Variants in SHOX observed in about 807,000 individuals in gnomAD.
SHOX encodes the protein short stature homeobox protein.
A neutral mutation model predicts 29.6 loss-of-function variants in SHOX; 12 were observed. The observed-to-expected ratio is 0.41, with a 90% CI of 0.26 to 0.66. The LOEUF (loss-of-function observed/expected upper bound fraction) is 0.66. SHOX is among the 30% of genes least tolerant of loss of function. SHOX has a pLI of 0.35. For missense variants in SHOX, 499 were observed against 437.7 expected, an observed-to-expected ratio of 1.14 and a Z score of -1.25; for synonymous variants, 214 against 200.6, an observed-to-expected ratio of 1.07 and a Z score of -0.57.
chrX:653,189 C>T (rs186512041), downstream of SHOX, among the ~76,000 whole-genome samples: 507 of 152,172 alleles, frequency 3.3e-3, 1 homozygote, highest in African/African-American at 0.011. Context: ...TGCACTGAGC[C>T]GAGATCGCGC....
chrX:651,138 A>G lies in SHOX; in HGVS notation c.*6502A>G, dbSNP rs192263199. The G allele has an allele frequency of 7.4e-5, 27 of 363,482 alleles. No individual in the cohort carries two copies. In the Middle Eastern group the frequency reaches 3.2e-3, roughly 43 times the overall value. The allele number at this position is 363,482 out of a possible 1,614,324, so 22.5% of individuals were successfully genotyped here. ...TTTCCTTGGTCGGACGTTCATAAAT[A>G]TGTACTATTTTAATTATGTCGAGTG... On this transcript the variant is annotated 3_prime_UTR_variant, in exon 5 of 5. Coordinates refer to ENST00000686671, the MANE Select transcript of SHOX (RefSeq NM_000451.4).
intron 4 of SHOX, among the ~76,000 whole-genome samples, chrX:643,944 TGGAGAGGCTTGGGGACCTGGTGTCTCG>T (rs1207978188): frequency 1.2e-5 from 1 of 86,408 alleles, no homozygotes. Context: ...CTGGTGATCT[TGGAGAGGCTTGGGGACCTGGTGTCTCG>T]GGAGAGCCTT....
rs771713093 is a variant in SHOX, at chrX:649,342, C to T, written c.*4706C>T. ...GGTGAGGCACCGCGCCCGGCCTCCTCTCTCTTTTTCTGAGATGTTTAGGAA... is the reference window on the plus strand; with the variant it reads ...GGTGAGGCACCGCGCCCGGCCTCCTTTCTCTTTTTCTGAGATGTTTAGGAA... On this transcript the variant is annotated 3_prime_UTR_variant, in exon 5 of 5. Transcript: ENST00000686671. 6.6e-6 allele frequency among the ~76,000 whole-genome samples: 1 copy of T among 152,270 alleles called. No homozygotes were observed. The highest frequency in any genetic ancestry group is 1.9e-4 in the East Asian group (1 of 5,178).
intron 2 of SHOX, among the ~76,000 whole-genome samples, chrX:635,074 C>G (rs756136668): frequency 2.6e-5 from 4 of 151,972 alleles, no homozygotes; most frequent in Non-Finnish European, 4.4e-5. Flanking sequence ...ATACAAATAA[C>G]AAATAAATAT....
At position 634,784 on chromosome X, in the gene SHOX, G is replaced by A. The variant is rs1314233109; in HGVS notation, c.444G>A (p.Glu148=). The A allele has an allele frequency of 1.2e-6, 2 of 1,601,074 alleles. No homozygotes were observed. Among genetic ancestry groups the A allele is most frequent in the East Asian group, 4.5e-5 (2 of 44,402 alleles). Residue 148 remains glutamate (E), a synonymous_variant, in exon 2 of 5, where the codon GAG becomes GAA. Coordinates refer to ENST00000686671, the MANE Select transcript of SHOX (RefSeq NM_000451.4). ...ATTACCCCGACGCCTTCATGCGCGA[G>A]GAGCTCAGCCAGCGCCTGGGGCTCT... is the stretch of plus-strand genomic sequence containing the variant. ...ETHYPDAFMR[E]ELSQRLGLSE...
downstream of SHOX, among the ~76,000 whole-genome samples, chrX:655,734 G>C (rs780265223): frequency 1.8e-4 from 27 of 151,086 alleles, no homozygotes; most frequent in South Asian, 5.0e-3. Flanking sequence ...ATGTATTGAA[G>C]ATTTCCAAGG....
rs778512618 is a variant in SHOX at position 640,795 on chromosome X, C to T, written c.487-26C>T. On this transcript the variant is annotated intron_variant, in intron 2 of 4. Transcript: ENST00000686671. ...GCTGGGCTGGGTTCACAGGGCTCTT[C>T]ACATCTCTCTCTGCTTCTCCCCAAG... is the stretch of plus-strand genomic sequence containing the variant. 5.0e-6 allele frequency: 8 copies of T among 1,613,772 alleles called. No individual in the cohort carries two copies. In the South Asian group the frequency reaches 7.7e-5, roughly 16 times the overall value.
intron 5 of SHOX, among the ~76,000 whole-genome samples, chrX:657,754 G>T (rs1253609770): frequency 5.9e-5 from 9 of 152,084 alleles, no homozygotes; most frequent in African/African-American, 1.9e-4. Flanking sequence ...GATAAAATAC[G>T]ACGTGCACAC....
At position 648,486 on chromosome X, in the gene SHOX, C is replaced by T. The variant is rs191797223; in HGVS notation, c.*3850C>T. Among the ~76,000 whole-genome samples the T allele has an allele frequency of 2.6e-5, 4 of 152,230 alleles. No individual in the cohort carries two copies. Among genetic ancestry groups the T allele is most frequent in the Admixed American group, 6.5e-5 (1 of 15,276 alleles). ...AGGTTGACCTGCCCGCTTTGTCCCT[C>T]GCAAAGTGCTGGGATTACAGGCGTG... On this transcript the variant is annotated 3_prime_UTR_variant, in exon 5 of 5. Transcript: ENST00000686671.
rs2052842839 is a variant in SHOX at position 640,983 on chromosome X, C to T, written c.545-16C>T. ...CCCAGGACCACCACACTGACACCTG[C>T]TCCCTTTGGACACAGGCGTCATCTT... On this transcript the variant is annotated splice_polypyrimidine_tract_variant and intron_variant, in intron 3 of 4. Coordinates refer to ENST00000686671, the MANE Select transcript of SHOX (RefSeq NM_000451.4). The T allele has an allele frequency of 2.5e-6, 4 of 1,613,594 alleles. No individual in the cohort carries two copies. Among genetic ancestry groups the T allele is most frequent in the African/African-American group, 1.3e-5 (1 of 75,048 alleles).
At position 634,948 on chromosome X, in the gene SHOX, G is replaced by T. The variant is rs752893673; in HGVS notation, c.486+122G>T. The stretch of plus-strand genomic sequence containing the variant: ...CGTCCCCTTCCCGGAGCGCGGGGAG[G>T]TTGGGTGAGGGACGGGCTGGGGTTC... On this transcript the variant is annotated intron_variant, in intron 2 of 4. Transcript: ENST00000686671. 5.7e-5 allele frequency: 60 copies of T among 1,049,604 alleles called. No individual in the cohort carries two copies. In the South Asian group the frequency reaches 9.4e-4, roughly 16 times the overall value. 65.0% of individuals were successfully genotyped at this position (1,049,604 alleles called of 1,614,324 possible).
At chrX:653,102 G>A (rs149800846), downstream of SHOX, among the ~76,000 whole-genome samples, 3,179 of 152,182 alleles carry the variant, frequency 0.021, 48 homozygotes, top group Middle Eastern at 0.061. Context: ...TTAGCCGGGC[G>A]TGGTGGTGTG....
At chrX:624,845 C>CTT (rs2052479058) in intron 1 of SHOX, among the ~76,000 whole-genome samples, 1 of 115,520 alleles carries the variant, frequency 8.7e-6, no homozygotes, top group Non-Finnish European at 1.9e-5. Flanking sequence ...CTTCCTTCCT[C>CTT]TCTTCCTCTT....
At position 651,238 on chromosome X, in the gene SHOX, A is replaced by G. The variant is rs1351163477; in HGVS notation, c.*6602A>G. Reference sequence around the variant, plus strand: ...CTTTTTCTTTTTCCCTCCCCCATTGACGACATAGCGGCCCCCGCGTCCGGG... The same window carrying G: ...CTTTTTCTTTTTCCCTCCCCCATTGGCGACATAGCGGCCCCCGCGTCCGGG... On this transcript the variant is annotated 3_prime_UTR_variant, in exon 5 of 5. Transcript: ENST00000686671. 1 of 448,060 alleles carries G rather than the reference A, an allele frequency of 2.2e-6. No individual in the cohort carries two copies. The highest frequency in any genetic ancestry group is 4.5e-6 in the Non-Finnish European group (1 of 222,500). The allele number at this position is 448,060 out of a possible 1,614,324, so 27.8% of individuals were successfully genotyped here.
chrX:653,613 G>A (rs913703613), downstream of SHOX, among the ~76,000 whole-genome samples: 1 of 143,808 alleles, frequency 7.0e-6, no homozygotes, highest in African/African-American at 2.7e-5. Flanking sequence ...CTCTGGACTT[G>A]ACCACATTTA....
rs369095468 is a variant in SHOX, at chrX:640,888, G to A, written c.544+10G>A. ...AATCAGATGCATAAAGGTGGGTGTC[G>A]GGACTGGGGGGACCTGAAGCTGGGG... is the stretch of plus-strand genomic sequence containing the variant. On this transcript the variant is annotated intron_variant, in intron 3 of 4. Coordinates refer to ENST00000686671, the MANE Select transcript of SHOX (RefSeq NM_000451.4). The A allele has an allele frequency of 1.6e-4, 262 of 1,613,738 alleles. 1 individual carries two copies. The highest frequency in any genetic ancestry group is 2.1e-4 in the Non-Finnish European group (242 of 1,179,868).
chrX:637,867 C>T (rs1245379463), intron 2 of SHOX, among the ~76,000 whole-genome samples: 1 of 152,116 alleles, frequency 6.6e-6, no homozygotes, highest in African/African-American at 2.4e-5. Flanking sequence ...ATTGAGCATC[C>T]GATAGAAGCT....
In SHOX at chrX:644,709, T is replaced by G; in HGVS notation, c.*73T>G. ...CCCGCCTGCACCGCGCGTCCTGCACTCAACCCCGCCTGGAGCTCCTTCCGC... is the reference window on the plus strand; with the variant it reads ...CCCGCCTGCACCGCGCGTCCTGCACGCAACCCCGCCTGGAGCTCCTTCCGC... On this transcript the variant is annotated 3_prime_UTR_variant, in exon 5 of 5. Coordinates refer to ENST00000686671, the MANE Select transcript of SHOX (RefSeq NM_000451.4). 2 of 1,351,764 alleles carry G rather than the reference T, an allele frequency of 1.5e-6. No individual in the cohort carries two copies. The highest frequency in any genetic ancestry group is 1.9e-6 in the Non-Finnish European group (2 of 1,060,250). The allele number at this position is 1,351,764 out of a possible 1,614,324, so 83.7% of individuals were successfully genotyped here.
At chrX:641,942 G>A (rs1279072343) in intron 4 of SHOX, among the ~76,000 whole-genome samples, 3 of 152,148 alleles carry the variant, frequency 2.0e-5, no homozygotes, top group African/African-American at 7.2e-5. Context: ...CTGGCCCCTG[G>A]CCCCTGGCTT....
Sources: allele counts gnomAD v4.1 joint callset (sites outside exome capture counted in the v4.1 genomes callset), GRCh38; gene constraint gnomAD v4.1.1; transcripts MANE v1.5; gene names NCBI Gene and HGNC (gene_info 2026-07-23, HGNC 2026-07-21).